NUCKS1: variants seen among roughly 807,000 people sequenced by gnomAD.
NUCKS1 encodes the protein nuclear casein kinase and cyclin dependent kinase substrate 1.
Under a neutral mutation model 33.0 loss-of-function variants are expected in NUCKS1, and 2 were observed. That is an observed-to-expected ratio of 0.06 (90% CI 0.02 to 0.19). The LOEUF (loss-of-function observed/expected upper bound fraction) is 0.19. Ranked by LOEUF, NUCKS1 falls within the 10% of genes least tolerant of loss-of-function variation. The pLI is 1.00. For synonymous variants in NUCKS1, 106 were observed against 102.8 expected, an observed-to-expected ratio of 1.03 and a Z score of -0.19; for missense variants, 201 against 293.6, an observed-to-expected ratio of 0.68 and a Z score of 2.31.
intron 1 of NUCKS1, among the ~76,000 whole-genome samples, chr1:205,734,986 CA>C (rs2102441463): frequency 6.6e-6 from 1 of 152,230 alleles, no homozygotes; most frequent in African/African-American, 2.4e-5. Context: ...CTATTTCCAC[CA>C]CTTAAAGGCT....
rs1305755307 is a variant in NUCKS1 at position 205,750,165 on chromosome 1, C to T, written c.-192G>A. ...GGAACAGACGAGCCCCCCGCTCCCC[C>T]GTCTCTTCAAAATGGATGAATCAAA... On this transcript the variant is annotated 5_prime_UTR_variant, in exon 1 of 7. Transcript: ENST00000367142. The T allele has an allele frequency of 8.0e-6, 5 of 625,352 alleles. No individual in the cohort carries two copies. Among genetic ancestry groups the T allele is most frequent in the Admixed American group, 5.4e-5 (2 of 37,098 alleles). 38.7% of individuals were successfully genotyped at this position (625,352 alleles called of 1,614,324 possible).
chr1:205,720,810 A>G (rs1671905094), intron 4 of NUCKS1, among the ~76,000 whole-genome samples, 157 bp from the exon 5 acceptor site: 1 of 152,234 alleles, frequency 6.6e-6, no homozygotes, highest in South Asian at 2.1e-4. Context: ...TCATTGTAAA[A>G]GGGCAAATTC....
At chr1:205,732,081 G>GA (rs34787389) in intron 1 of NUCKS1, among the ~76,000 whole-genome samples, 1 of 151,662 alleles carries the variant, frequency 6.6e-6, no homozygotes. Flanking sequence ...GTGAATTCTG[G>GA]AAAAAAAGGC....
chr1:205,745,999 TA>T (rs1654311264), intron 1 of NUCKS1, among the ~76,000 whole-genome samples: 4 of 152,216 alleles, frequency 2.6e-5, no homozygotes, highest in Admixed American at 2.0e-4. Context: ...ACTTTTCTTA[TA>T]AAAGTAACTT....
chr1:205,727,671 A>G, intron 3 of NUCKS1, 29 bp downstream of exon 3: 1 of 1,421,416 alleles, frequency 7.0e-7, no homozygotes, highest in East Asian at 2.3e-5. Flanking sequence ...TAACAGTGTA[A>G]GCAGGAACAG....
At chr1:205,729,392 A>G (rs574690518) in intron 2 of NUCKS1, among the ~76,000 whole-genome samples, 180 bp downstream of exon 2, 4 of 152,382 alleles carry the variant, frequency 2.6e-5, no homozygotes, top group Non-Finnish European at 5.9e-5. Flanking sequence ...TTACCAAGGA[A>G]AAGTTAAAAT....
In NUCKS1 at chr1:205,719,413, T is replaced by C. The variant is rs1038882953; in HGVS notation, c.532+114A>G. ...ACAAGACCCTTTTAGATTTCTTGTA[T>C]TCCTGCTAAACATCAGGCCAATGCC... On this transcript the variant is annotated intron_variant, in intron 6 of 6. Coordinates refer to ENST00000367142, the MANE Select transcript of NUCKS1 (RefSeq NM_022731.5). 101 of 1,045,580 alleles carry C rather than the reference T, an allele frequency of 9.7e-5. No individual in the cohort carries two copies. The African/African-American group carries it at 9.9e-4, about 10-fold the overall frequency. The allele number at this position is 1,045,580 out of a possible 1,614,324, so 64.8% of individuals were successfully genotyped here.
chr1:205,729,085 C>G (rs1653847318), intron 2 of NUCKS1, among the ~76,000 whole-genome samples: 1 of 152,296 alleles, frequency 6.6e-6, no homozygotes, highest in African/African-American at 2.4e-5. Context: ...TCTCTTGCCT[C>G]AGCCTCCAGA....
Position 205,727,685 on chromosome 1 carries a change from A to C in NUCKS1, c.173+15T>G. The C allele has an allele frequency of 6.4e-7, 1 of 1,552,564 alleles. No homozygotes were observed. The highest frequency in any genetic ancestry group is 8.9e-7 in the Non-Finnish European group (1 of 1,124,132). On this transcript the variant is annotated intron_variant, in intron 3 of 6. Coordinates refer to ENST00000367142, the MANE Select transcript of NUCKS1 (RefSeq NM_022731.5). ...GTAACAGTGTAAGCAGGAACAGAAA[A>C]ACAATGCCTCTTACCTATCTTCCTG...
Position 205,718,084 on chromosome 1 carries a change from TTAA to T in NUCKS1, c.*193_*195del. 4.0e-6 allele frequency: 5 copies of T among 1,236,388 alleles called. No homozygotes were observed. Among genetic ancestry groups the T allele is most frequent in the African/African-American group, 1.6e-5 (1 of 60,736 alleles). The allele number at this position is 1,236,388 out of a possible 1,614,324, so 76.6% of individuals were successfully genotyped here. ...ACACTTACACATACAATGGTTTGCT[TTAA>T]AAAAAAAAAAAAAAAAAGAGAGAGA... On this transcript the variant is annotated 3_prime_UTR_variant, in exon 7 of 7. Transcript: ENST00000367142.
rs1451131455 is a variant in NUCKS1, at chr1:205,713,936, C to CA, written c.*4343dup. The CA allele has an allele frequency of 6.6e-6, 1 of 152,150 alleles. No individual in the cohort carries two copies. The highest frequency in any genetic ancestry group is 1.9e-4 in the East Asian group (1 of 5,196). The allele number at this position is 152,150 out of a possible 1,614,324, so 9.4% of individuals were successfully genotyped here. On this transcript the variant is annotated 3_prime_UTR_variant, in exon 7 of 7. Coordinates refer to ENST00000367142, the MANE Select transcript of NUCKS1 (RefSeq NM_022731.5). Reference sequence around the variant, plus strand: ...ATGAAGTCTAAAAGATAAATCAAGGCAAACAATTACTGAGAACTTGGCTGT... The same window carrying CA: ...ATGAAGTCTAAAAGATAAATCAAGGCAAAACAATTACTGAGAACTTGGCTGT...
At chr1:205,731,455 A>G (rs1653907067) in intron 1 of NUCKS1, 1 of 152,162 alleles carries the variant, frequency 6.6e-6, no homozygotes, top group African/African-American at 2.4e-5. Context: ...TGCACTCTAA[A>G]TCTAAAAGTT....
rs1671812799 is a variant in NUCKS1 at position 205,715,883 on chromosome 1, G to A, written c.*2397C>T. The A allele has an allele frequency of 2.0e-5, 3 of 152,186 alleles. No individual in the cohort carries two copies. The highest frequency in any genetic ancestry group is 7.2e-5 in the African/African-American group (3 of 41,436). The allele number at this position is 152,186 out of a possible 1,614,324, so 9.4% of individuals were successfully genotyped here. A position where few individuals can be genotyped will look rare whatever the true frequency, so the allele number is the denominator to read the frequency against. On this transcript the variant is annotated 3_prime_UTR_variant, in exon 7 of 7. Coordinates refer to ENST00000367142, the MANE Select transcript of NUCKS1 (RefSeq NM_022731.5). ...CATCACTATCAAGCCTGACTATTGAGCACCTGTATCCAGTTGAGTCACCAC... is the reference window on the plus strand; with the variant it reads ...CATCACTATCAAGCCTGACTATTGAACACCTGTATCCAGTTGAGTCACCAC...
chr1:205,750,151 G>A lies in NUCKS1; in HGVS notation c.-178C>T, dbSNP rs916952924. The A allele has an allele frequency of 6.2e-6, 4 of 641,324 alleles. No individual in the cohort carries two copies. The highest frequency in any genetic ancestry group is 6.2e-5 in the East Asian group (2 of 32,206). The allele number at this position is 641,324 out of a possible 1,614,324, so 39.7% of individuals were successfully genotyped here. A position where few individuals can be genotyped will look rare whatever the true frequency, so the allele number is the denominator to read the frequency against. On this transcript the variant is annotated 5_prime_UTR_variant, in exon 1 of 7. Transcript: ENST00000367142. ...GGTTCAGGGCTCCTGGAACAGACGA[G>A]CCCCCCGCTCCCCCGTCTCTTCAAA...
intron 5 of NUCKS1, 81 bp downstream of exon 5, chr1:205,720,420 C>T: frequency 7.0e-7 from 1 of 1,436,172 alleles, no homozygotes; most frequent in South Asian, 1.3e-5. Flanking sequence ...CATTTAGCAT[C>T]CTAGAAAATG....
Position 205,717,893 on chromosome 1 carries a change from G to A in NUCKS1, c.*387C>T, listed in dbSNP as rs1192064089. On this transcript the variant is annotated 3_prime_UTR_variant, in exon 7 of 7. Transcript: ENST00000367142. ...AACTTGCTATTTTTTAGCAAAAAGC[G>A]AAGTTTCAATAGTGTTCATCTCAAA... The A allele has an allele frequency of 6.1e-6, 6 of 988,112 alleles. No individual in the cohort carries two copies. The highest frequency in any genetic ancestry group is 1.1e-4 in the East Asian group (1 of 8,890). The allele number at this position is 988,112 out of a possible 1,614,324, so 61.2% of individuals were successfully genotyped here.
chr1:205,730,026 A>G (rs903075327), intron 1 of NUCKS1, among the ~76,000 whole-genome samples: 2 of 151,908 alleles, frequency 1.3e-5, no homozygotes, highest in African/African-American at 4.8e-5. Context: ...CATCTCAAAA[A>G]AAAAAAAGAA....
intron 2 of NUCKS1, among the ~76,000 whole-genome samples, chr1:205,728,741 G>A (rs1475201633): frequency 6.6e-6 from 1 of 152,114 alleles, no homozygotes; most frequent in African/African-American, 2.4e-5. Flanking sequence ...AGATTAAGGA[G>A]ACAACTCTGA....
At chr1:205,730,434 A>T (rs1341864172) in intron 1 of NUCKS1, among the ~76,000 whole-genome samples, 1 of 152,162 alleles carries the variant, frequency 6.6e-6, no homozygotes, top group African/African-American at 2.4e-5. Context: ...AAGTATGTCA[A>T]GCTACAATTC....
Sources: gnomAD v4.1 joint callset for allele counts (sites outside exome capture counted in the v4.1 genomes callset) on GRCh38, gnomAD v4.1.1 for gene constraint, MANE v1.5 for transcripts, NCBI Gene and HGNC (gene_info 2026-07-23, HGNC 2026-07-21) for gene names.